CEP57L1: variants seen among roughly 807,000 people sequenced by gnomAD.
CEP57L1 encodes the protein centrosomal protein CEP57L1.
CEP57L1 carries 37 observed loss-of-function variants against 61.0 expected under a neutral mutation model. The observed-to-expected ratio is 0.61, with a 90% CI of 0.47 to 0.80. CEP57L1 has a LOEUF of 0.80. Ranked by LOEUF, CEP57L1 falls within the 30% of genes least tolerant of loss-of-function variation. The probability of loss-of-function intolerance (pLI) is 0.00; values close to 1 mark genes in which losing one functional copy is unlikely to be tolerated. For synonymous variants in CEP57L1, 137 were observed against 162.3 expected (o/e 0.84, Z 1.19); for missense variants, 422 against 524.7 (o/e 0.80, Z 1.91).
Position 109,148,275 on chromosome 6 carries a change from C to G in CEP57L1, c.340+1338C>G, listed in dbSNP as rs186082735. Among the ~76,000 whole-genome samples, 1,154 of 152,120 alleles carry G rather than the reference C, an allele frequency of 7.6e-3. 48 individuals are homozygous for G. Among genetic ancestry groups the G allele is most frequent in the Admixed American group, 0.069 (1,046 of 15,260 alleles). ...TAATGCTATCCCTCCCCTCTCCCCC[C>G]ACCCCACAACAGTCCCCAGAGTGCG... On this transcript the variant is annotated intron_variant, in intron 3 of 10. Transcript: ENST00000517392.
chr6:109,136,572 A>AC lies in CEP57L1; in HGVS notation c.-3-8647_-3-8646insC, dbSNP rs1323801084. ...TAAAACTATAAGTATAAAAAAAAAA[A>AC]AAAAAGATACCATTTTTATCTTTAT... On this transcript the variant is annotated intron_variant, in intron 1 of 10. Coordinates refer to ENST00000517392, the MANE Select transcript of CEP57L1 (RefSeq NM_001271852.3). Among the ~76,000 whole-genome samples the AC allele has an allele frequency of 8.3e-3, 1,260 of 151,534 alleles. 24 individuals are homozygous for AC. Among genetic ancestry groups the AC allele is most frequent in the African/African-American group, 0.029 (1,209 of 41,402 alleles).
intron 10 of CEP57L1, among the ~76,000 whole-genome samples, chr6:109,161,884 C>T (rs1773747195): frequency 6.6e-6 from 1 of 151,918 alleles, no homozygotes; most frequent in Admixed American, 6.6e-5. Context: ...TGACTGTTAG[C>T]CAAATAGAGA....
chr6:109,149,432 T>TA (rs2114891600), intron 3 of CEP57L1, among the ~76,000 whole-genome samples: 1 of 152,338 alleles, frequency 6.6e-6, no homozygotes, highest in East Asian at 1.9e-4. Flanking sequence ...TGGTTGTAGA[T>TA]ATGCGGCATT....
Position 109,159,349 on chromosome 6 carries a change from A to G in CEP57L1, c.903A>G (p.Arg301=). The change falls in exon 9 of 11, where the codon AGA becomes AGG. Residue 301 remains arginine, a synonymous_variant. Coordinates refer to ENST00000517392, the MANE Select transcript of CEP57L1 (RefSeq NM_001271852.3). ...TETRCLPKPS[R]TTSWCKAIPP... ...CTAGATGTCTCCCCAAGCCTTCTAG[A>G]ACAACTTCCTGGTGTAAAGCTATTC... 1 of 1,614,126 alleles carries G rather than the reference A, an allele frequency of 6.2e-7. No homozygotes were observed. Among genetic ancestry groups the G allele is most frequent in the Non-Finnish European group, 8.5e-7 (1 of 1,179,994 alleles).
intron 1 of CEP57L1, among the ~76,000 whole-genome samples, chr6:109,141,986 TC>T (rs2114840236): frequency 6.6e-6 from 1 of 152,292 alleles, no homozygotes; most frequent in East Asian, 1.9e-4. Flanking sequence ...TAATGTCGTC[TC>T]CCTAGCAGTC....
rs1774420150 is a variant in CEP57L1, at chr6:109,171,799, A to G, written c.*8829A>G. Among the ~76,000 whole-genome samples, 1 of 152,236 alleles carries G rather than the reference A, an allele frequency of 6.6e-6. No individual in the cohort carries two copies. Among genetic ancestry groups the G allele is most frequent in the Non-Finnish European group, 1.5e-5 (1 of 68,044 alleles). Reference sequence around the variant, plus strand: ...AAAACAGTTTCCTCAGATAATCATCATATCAGAGGTCATCATGTATCCTTA... The same window carrying G: ...AAAACAGTTTCCTCAGATAATCATCGTATCAGAGGTCATCATGTATCCTTA... On this transcript the variant is annotated 3_prime_UTR_variant, in exon 11 of 11. Coordinates refer to ENST00000517392, the MANE Select transcript of CEP57L1 (RefSeq NM_001271852.3).
intron 1 of CEP57L1, among the ~76,000 whole-genome samples, chr6:109,108,438 C>T (rs529277145): frequency 1.3e-5 from 2 of 152,126 alleles, no homozygotes; most frequent in South Asian, 4.1e-4. Context: ...TCTCGAACTC[C>T]TGAACTCCAG....
intron 1 of CEP57L1, among the ~76,000 whole-genome samples, chr6:109,102,351 C>T (rs1225637513): frequency 1.3e-5 from 2 of 152,158 alleles, no homozygotes; most frequent in Non-Finnish European, 2.9e-5. Flanking sequence ...TGCACCTCCA[C>T]GCTCAGCTTA....
chr6:109,143,330 T>G (rs991952371), intron 1 of CEP57L1, among the ~76,000 whole-genome samples: 1 of 152,102 alleles, frequency 6.6e-6, no homozygotes, highest in Non-Finnish European at 1.5e-5. Context: ...TCTTTCAGAG[T>G]GAGTTTTTCT....
chr6:109,158,567 T>G (rs1245703045), intron 7 of CEP57L1: 1 of 451,336 alleles, frequency 2.2e-6, no homozygotes, highest in Admixed American at 2.4e-5. Context: ...TGTGTACAGG[T>G]TTTTATGTGA....
rs1774313589 is a variant in CEP57L1, at chr6:109,169,690, G to A, written c.*6720G>A. Among the ~76,000 whole-genome samples, 1 of 152,154 alleles carries A rather than the reference G, an allele frequency of 6.6e-6. No homozygotes were observed. Among genetic ancestry groups the A allele is most frequent in the Non-Finnish European group, 1.5e-5 (1 of 68,018 alleles). On this transcript the variant is annotated 3_prime_UTR_variant, in exon 11 of 11. Coordinates refer to ENST00000517392, the MANE Select transcript of CEP57L1 (RefSeq NM_001271852.3). ...CTACCTCTTGGTAAAATCTAACCAA[G>A]CATGAGTCTTATGATTAAGAAAGAA... is the stretch of plus-strand genomic sequence containing the variant.
At chr6:109,136,295 C>T (rs185003050) in intron 1 of CEP57L1, among the ~76,000 whole-genome samples, 513 of 152,240 alleles carry the variant, frequency 3.4e-3, no homozygotes, top group African/African-American at 1.0e-2. Flanking sequence ...AACCATCATT[C>T]TCAGCAAACT....
chr6:109,150,550 T>C (rs1772494016), intron 4 of CEP57L1, among the ~76,000 whole-genome samples: 1 of 151,800 alleles, frequency 6.6e-6, no homozygotes, highest in Non-Finnish European at 1.5e-5. Flanking sequence ...TAATCTCAGC[T>C]ACTCAGGAGG....
Position 109,158,258 on chromosome 6 carries a change from C to A in CEP57L1, c.745-767C>A, listed in dbSNP as rs150036191. The A allele has an allele frequency of 6.8e-3, 1,144 of 167,534 alleles. 18 individuals carry two copies. Among genetic ancestry groups the A allele is most frequent in the African/African-American group, 0.026 (1,095 of 41,636 alleles). 10.4% of individuals were successfully genotyped at this position (167,534 alleles called of 1,614,324 possible). A position where few individuals can be genotyped will look rare whatever the true frequency, so the allele number is the denominator to read the frequency against. Reference sequence around the variant, plus strand: ...ATCCCAACAGTTTGGGAGGCCAAGGCGAGTGGATCATTTGAGGTCAGGAGT... The same window carrying A: ...ATCCCAACAGTTTGGGAGGCCAAGGAGAGTGGATCATTTGAGGTCAGGAGT... On this transcript the variant is annotated intron_variant, in intron 7 of 10. Coordinates refer to ENST00000517392, the MANE Select transcript of CEP57L1 (RefSeq NM_001271852.3).
intron 10 of CEP57L1, among the ~76,000 whole-genome samples, chr6:109,162,188 G>GAA (rs1562152588): frequency 6.6e-6 from 1 of 151,826 alleles, no homozygotes; most frequent in Non-Finnish European, 1.5e-5. Context: ...ATGGCAGTTG[G>GAA]AAAAAAACAC....
intron 1 of CEP57L1, among the ~76,000 whole-genome samples, chr6:109,133,176 A>T (rs538153830): frequency 2.6e-5 from 4 of 151,960 alleles, no homozygotes; most frequent in Non-Finnish European, 5.9e-5. Flanking sequence ...CCTTAGAGCA[A>T]TCTTATATGT....
rs891974312 is a variant in CEP57L1 at position 109,171,704 on chromosome 6, T to C, written c.*8734T>C. On this transcript the variant is annotated 3_prime_UTR_variant, in exon 11 of 11. Coordinates refer to ENST00000517392, the MANE Select transcript of CEP57L1 (RefSeq NM_001271852.3). Reference sequence around the variant, plus strand: ...TACAAGCTTTAGGAGGACAGGCTTATCAAATTAAAAAATGAAAAAACCTAC... The same window carrying C: ...TACAAGCTTTAGGAGGACAGGCTTACCAAATTAAAAAATGAAAAAACCTAC... Among the ~76,000 whole-genome samples, 8 of 152,180 alleles carry C rather than the reference T, an allele frequency of 5.3e-5. No homozygotes were observed. The highest frequency in any genetic ancestry group is 1.9e-4 in the African/African-American group (8 of 41,440).
At chr6:109,139,406 A>G (rs866663246) in intron 1 of CEP57L1, among the ~76,000 whole-genome samples, 1 of 152,100 alleles carries the variant, frequency 6.6e-6, no homozygotes, top group Non-Finnish European at 1.5e-5. Context: ...TGGGTCAAAC[A>G]ATTGTGCCTC....
chr6:109,105,733 A>G (rs1015938594), intron 1 of CEP57L1, among the ~76,000 whole-genome samples: 1 of 152,126 alleles, frequency 6.6e-6, no homozygotes, highest in Non-Finnish European at 1.5e-5. Context: ...TTCTAGATAG[A>G]TTATCTAGAT....
Sources: allele counts gnomAD v4.1 joint callset (sites outside exome capture counted in the v4.1 genomes callset), GRCh38; gene constraint gnomAD v4.1.1; transcripts MANE v1.5; gene names NCBI Gene and HGNC (gene_info 2026-07-23, HGNC 2026-07-21).